LRP5: variants seen among roughly 807,000 people sequenced by gnomAD.
The protein encoded by LRP5 is low-density lipoprotein receptor-related protein 5.
LRP5 carries 62 observed loss-of-function variants against 154.1 expected under a neutral mutation model. The ratio of observed to expected loss-of-function variants is 0.40; its 90% CI spans 0.33 to 0.50. LRP5 has a LOEUF of 0.50. Ranked by LOEUF, LRP5 falls within the 20% of genes least tolerant of loss-of-function variation. The probability of loss-of-function intolerance (pLI) is 0.55; values close to 1 mark genes in which losing one functional copy is unlikely to be tolerated. For synonymous variants in LRP5, 966 were observed against 1,011.5 expected, an observed-to-expected ratio of 0.96 and a Z score of 0.85; for missense variants, 1,915 against 2,336.7, an observed-to-expected ratio of 0.82 and a Z score of 3.72.
At chr11:68,385,500 C>G (rs1591260340) in intron 5 of LRP5, among the ~76,000 whole-genome samples, 1 of 152,112 alleles carries the variant, frequency 6.6e-6, no homozygotes, top group African/African-American at 2.4e-5. Context: ...GTGTGGAGGC[C>G]GCGGTGCAGC....
intron 7 of LRP5, among the ~76,000 whole-genome samples, chr11:68,390,975 TTTGA>T (rs748697173): frequency 1.3e-4 from 20 of 152,302 alleles, no homozygotes; most frequent in South Asian, 4.1e-4. Context: ...TTTGATTTTG[TTTGA>T]TTGTTTGTTT....
intron 1 of LRP5, among the ~76,000 whole-genome samples, chr11:68,319,139 C>T (rs34552158): frequency 0.038 from 5,619 of 149,610 alleles, 149 homozygotes; most frequent in Non-Finnish European, 0.056. Context: ...TGCGGTGGCA[C>T]GATCTCGGCT....
Position 68,385,169 on chromosome 11 carries a change from C to T in LRP5, c.1016-1147C>T, listed in dbSNP as rs148176284. Among the ~76,000 whole-genome samples, 7 of 152,368 alleles carry T rather than the reference C, an allele frequency of 4.6e-5. No individual in the cohort carries two copies. The East Asian group carries it at 1.2e-3, about 25-fold the overall frequency. ...AGACCAGAATCACCTGAGCATCCTC[C>T]TGTCCCCAGCTGTGTCCAGCCTGTC... On this transcript the variant is annotated intron_variant, in intron 5 of 22. Coordinates refer to ENST00000294304, the MANE Select transcript of LRP5 (RefSeq NM_002335.4).
intron 1 of LRP5, among the ~76,000 whole-genome samples, chr11:68,336,493 A>C (rs1005378671): frequency 6.6e-5 from 10 of 151,804 alleles, no homozygotes; most frequent in African/African-American, 2.4e-4. Context: ...TTTGAGACAG[A>C]GTTTTGCTTT....
chr11:68,387,303 T>C (rs2098643598), intron 6 of LRP5, among the ~76,000 whole-genome samples: 1 of 152,096 alleles, frequency 6.6e-6, no homozygotes. Flanking sequence ...TTGGTAGAGA[T>C]GGGGTTTCAC....
chr11:68,379,698 G>T (rs2098639238), intron 5 of LRP5, among the ~76,000 whole-genome samples: 5 of 152,192 alleles, frequency 3.3e-5, no homozygotes, highest in Admixed American at 3.3e-4. Context: ...AACATTAATA[G>T]ACTTCATTTT....
At chr11:68,398,634 T>TAAAA (rs2098650895) in intron 7 of LRP5, among the ~76,000 whole-genome samples, 1 of 152,112 alleles carries the variant, frequency 6.6e-6, no homozygotes, top group Non-Finnish European at 1.5e-5. Context: ...GGTTTTACAT[T>TAAAA]TTTTAATTAC....
intron 17 of LRP5, among the ~76,000 whole-genome samples, chr11:68,431,420 A>G (rs916057808): frequency 8.6e-5 from 13 of 151,704 alleles, no homozygotes; most frequent in African/African-American, 2.9e-4. Context: ...TTGTATTTTC[A>G]GTAGAGATGG....
At chr11:68,368,331 C>T (rs1296411205) in intron 5 of LRP5, among the ~76,000 whole-genome samples, 3 of 152,142 alleles carry the variant, frequency 2.0e-5, no homozygotes, top group Non-Finnish European at 2.9e-5. Context: ...GGGGTGTGGC[C>T]GCCTGAGCCG....
chr11:68,447,812 G>T lies in LRP5; in HGVS notation c.4587-997G>T, dbSNP rs986889206. Among the ~76,000 whole-genome samples, 1 of 152,134 alleles carries T rather than the reference G, an allele frequency of 6.6e-6. No individual in the cohort carries two copies. The highest frequency in any genetic ancestry group is 2.4e-5 in the African/African-American group (1 of 41,430). ...GGGCTCCTAAACACACCACAGTTCC[G>T]AGTCTGAACTCACACAGTGGGATGC... On this transcript the variant is annotated intron_variant, in intron 22 of 22. Coordinates refer to ENST00000294304, the MANE Select transcript of LRP5 (RefSeq NM_002335.4). The surrounding 1 kb of genome is among the most constrained non-coding windows in gnomAD (Gnocchi z 4.3).
chr11:68,344,058 AC>A (rs1193227330), intron 1 of LRP5, among the ~76,000 whole-genome samples: 1 of 151,906 alleles, frequency 6.6e-6, no homozygotes, highest in East Asian at 2.0e-4. Context: ...GAGGGACTTC[AC>A]CCGCAGCCCA....
chr11:68,346,831 C>T (rs145565144), intron 1 of LRP5, among the ~76,000 whole-genome samples: 2 of 152,340 alleles, frequency 1.3e-5, no homozygotes, highest in Admixed American at 6.5e-5. Flanking sequence ...GTGTTCACTC[C>T]TCATGTGGCT....
intron 13 of LRP5, among the ~76,000 whole-genome samples, chr11:68,418,429 G>A (rs987887651): frequency 1.3e-5 from 2 of 151,838 alleles, no homozygotes; most frequent in East Asian, 1.9e-4. Context: ...AGAGCCACAC[G>A]GCCTCTTTCT....
chr11:68,433,549 T>C, intron 17 of LRP5, 53 bp from the exon 18 acceptor site: 2 of 1,500,700 alleles, frequency 1.3e-6, no homozygotes, highest in Non-Finnish European at 9.3e-7. Context: ...CGCCATTGCC[T>C]GGGTTTTGCT....
chr11:68,363,538 T>C (rs1271945415), intron 3 of LRP5, among the ~76,000 whole-genome samples: 1 of 151,768 alleles, frequency 6.6e-6, no homozygotes, highest in East Asian at 1.9e-4. Context: ...GCATCAGTGA[T>C]CCCAGCTACT....
chr11:68,316,806 G>A (rs1170009292), intron 1 of LRP5, among the ~76,000 whole-genome samples: 6 of 152,234 alleles, frequency 3.9e-5, no homozygotes, highest in African/African-American at 1.4e-4. Flanking sequence ...TGGGGAGTCA[G>A]TGCTGGCATC....
At chr11:68,315,684 GCCCCT>G (rs2098592803) in intron 1 of LRP5, among the ~76,000 whole-genome samples, 1 of 152,246 alleles carries the variant, frequency 6.6e-6, no homozygotes, top group African/African-American at 2.4e-5. Flanking sequence ...ATAAGGCCCC[GCCCCT>G]GCGGGCAGAG....
At chr11:68,399,555 GC>G (rs1260143626) in intron 7 of LRP5, among the ~76,000 whole-genome samples, 3 of 152,292 alleles carry the variant, frequency 2.0e-5, no homozygotes, top group East Asian at 3.9e-4. Flanking sequence ...TTCTCTTCCG[GC>G]ACTGGCGTTC....
intron 1 of LRP5, among the ~76,000 whole-genome samples, chr11:68,332,102 C>G (rs2098603173): frequency 6.6e-6 from 1 of 152,172 alleles, no homozygotes; most frequent in South Asian, 2.1e-4. Context: ...CTCCCGCCTT[C>G]TGCAGCCAGC....
Sources: allele counts gnomAD v4.1 joint callset (sites outside exome capture counted in the v4.1 genomes callset), GRCh38; gene constraint gnomAD v4.1.1; non-coding constraint Gnocchi (gnomAD v3.1); transcripts MANE v1.5; gene names NCBI Gene and HGNC (gene_info 2026-07-23, HGNC 2026-07-21).